The following APOBEC2 variants were observed in gnomAD, a reference collection of about 807,000 sequenced individuals.
APOBEC2 encodes the protein C->U-editing enzyme APOBEC-2.
APOBEC2 carries 14 observed loss-of-function variants against 19.4 expected under a neutral mutation model. The ratio of observed to expected loss-of-function variants is 0.72; its 90% CI spans 0.48 to 1.13. The LOEUF (loss-of-function observed/expected upper bound fraction) is 1.13. APOBEC2 is among the 50% of genes most tolerant of loss of function. APOBEC2 has a pLI of 0.00. For synonymous variants in APOBEC2, 127 were observed against 112.1 expected (o/e 1.13, Z -0.84); for missense variants, 304 against 277.0 (o/e 1.10, Z -0.69).
At chr6:41,059,187 G>C (rs1485315820) in intron 1 of APOBEC2, among the ~76,000 whole-genome samples, 1 of 152,180 alleles carries the variant, frequency 6.6e-6, no homozygotes, top group Non-Finnish European at 1.5e-5. Flanking sequence ...GCTATAGGGA[G>C]CTCCAGAAGG....
rs1012041589 is a variant in APOBEC2, at chr6:41,064,684, G to C, written c.*605G>C. 8.5e-5 allele frequency: 13 copies of C among 152,152 alleles called. No homozygotes were observed. Among genetic ancestry groups the C allele is most frequent in the African/African-American group, 3.1e-4 (13 of 41,424 alleles). The allele number at this position is 152,152 out of a possible 1,614,324, so 9.4% of individuals were successfully genotyped here. On this transcript the variant is annotated 3_prime_UTR_variant, in exon 3 of 3. Coordinates refer to ENST00000244669, the MANE Select transcript of APOBEC2 (RefSeq NM_006789.4). ...CATACAGACTTCTTACGACAATCAA[G>C]TGAGGGCCTTTCCCTTCTCTGAAGG...
In APOBEC2 at chr6:41,060,981, T is replaced by A. The variant is rs1762862732; in HGVS notation, c.132-347T>A. 4.6e-5 allele frequency among the ~76,000 whole-genome samples: 7 copies of A among 152,176 alleles called. No homozygotes were observed. In the South Asian group the frequency reaches 1.5e-3, roughly 32 times the overall value. ...GAGGCCCAGGCACTGACATTCTCAGTCTTCTAGGTGATTCTAAGGTATAGG... is the reference window on the plus strand; with the variant it reads ...GAGGCCCAGGCACTGACATTCTCAGACTTCTAGGTGATTCTAAGGTATAGG... On this transcript the variant is annotated intron_variant, in intron 1 of 2. Coordinates refer to ENST00000244669, the MANE Select transcript of APOBEC2 (RefSeq NM_006789.4).
intron 1 of APOBEC2, among the ~76,000 whole-genome samples, chr6:41,058,290 A>C (rs926014338): frequency 2.8e-5 from 4 of 145,010 alleles, no homozygotes; most frequent in East Asian, 2.1e-4. Context: ...ACACACCCAC[A>C]CACACACACA....
In APOBEC2 at chr6:41,053,316, T is replaced by C; in HGVS notation, c.-32T>C. 6.2e-7 allele frequency: 1 copy of C among 1,605,666 alleles called. No individual in the cohort carries two copies. The highest frequency in any genetic ancestry group is 8.5e-7 in the Non-Finnish European group (1 of 1,176,816). On this transcript the variant is annotated 5_prime_UTR_variant, in exon 1 of 3. Coordinates refer to ENST00000244669, the MANE Select transcript of APOBEC2 (RefSeq NM_006789.4). ...CCCAGACCTGCCTGCCTCTCTCCTC[T>C]CCCTCAGTGACTCCTGAGCCACAGC...
In APOBEC2 at chr6:41,064,296, G is replaced by T; in HGVS notation, c.*217G>T. Reference sequence around the variant, plus strand: ...TGACTCTCTCTCTAATGCTGCTCTCGGGAAGGACGAAAGTGACCTGCAAGG... The same window carrying T: ...TGACTCTCTCTCTAATGCTGCTCTCTGGAAGGACGAAAGTGACCTGCAAGG... On this transcript the variant is annotated 3_prime_UTR_variant, in exon 3 of 3. Transcript: ENST00000244669. 1 of 152,484 alleles carries T rather than the reference G, an allele frequency of 6.6e-6. No individual in the cohort carries two copies. The allele number at this position is 152,484 out of a possible 1,614,324, so 9.4% of individuals were successfully genotyped here.
At chr6:41,062,565 G>A (rs1009964469) in intron 2 of APOBEC2, among the ~76,000 whole-genome samples, 4 of 152,184 alleles carry the variant, frequency 2.6e-5, no homozygotes, top group East Asian at 1.9e-4. Flanking sequence ...GGAGGATGTC[G>A]AATGCAGGAA....
intron 1 of APOBEC2, among the ~76,000 whole-genome samples, chr6:41,056,845 A>C (rs542544144): frequency 1.3e-5 from 2 of 152,276 alleles, no homozygotes; most frequent in African/African-American, 4.8e-5. Context: ...GGGTTTCTTG[A>C]GGACAGCAGC....
At chr6:41,056,401 G>A (rs539051100) in intron 1 of APOBEC2, among the ~76,000 whole-genome samples, 10 of 152,348 alleles carry the variant, frequency 6.6e-5, no homozygotes, top group East Asian at 3.9e-4. Context: ...GACTATTGGC[G>A]TGGGCCACTG....
intron 1 of APOBEC2, among the ~76,000 whole-genome samples, chr6:41,060,053 G>A (rs1762852315): frequency 6.6e-6 from 1 of 152,014 alleles, no homozygotes; most frequent in African/African-American, 2.4e-5. Flanking sequence ...AACAAATCTT[G>A]CCTATTTTAG....
intron 1 of APOBEC2, among the ~76,000 whole-genome samples, chr6:41,061,081 A>C (rs1200512675): frequency 1.3e-5 from 2 of 150,578 alleles, no homozygotes. Flanking sequence ...ACAATGTCCT[A>C]GTAGGGTGAC....
intron 1 of APOBEC2, among the ~76,000 whole-genome samples, chr6:41,058,518 T>C (rs1762831213): frequency 2.6e-5 from 4 of 152,188 alleles, no homozygotes; most frequent in African/African-American, 7.2e-5. Context: ...CTTAGGCCTA[T>C]CATGCTACTT....
chr6:41,054,444 A>G (rs1762770456), intron 1 of APOBEC2, among the ~76,000 whole-genome samples: 1 of 152,160 alleles, frequency 6.6e-6, no homozygotes, highest in African/African-American at 2.4e-5. Context: ...TGATGCTTTC[A>G]AGGGGGAAAG....
intron 1 of APOBEC2, 125 bp downstream of exon 1, chr6:41,053,603 G>A (rs935580634): frequency 7.1e-7 from 1 of 1,411,902 alleles, no homozygotes; most frequent in Non-Finnish European, 9.5e-7. Context: ...CAGTGAGAGT[G>A]CACCAGTGGG....
chr6:41,058,277 A>ACCACACACCCACACAC (rs1418700019), intron 1 of APOBEC2, among the ~76,000 whole-genome samples: 8 of 121,900 alleles, frequency 6.6e-5, no homozygotes, highest in African/African-American at 2.5e-4. Context: ...CCACCACCCC[A>ACCACACACCCACACAC]CCACACACCC....
At chr6:41,057,999 A>T (rs1484309134) in intron 1 of APOBEC2, among the ~76,000 whole-genome samples, 1 of 152,200 alleles carries the variant, frequency 6.6e-6, no homozygotes, top group Non-Finnish European at 1.5e-5. Context: ...AAGTATGAGG[A>T]AATGGTGCTT....
intron 2 of APOBEC2, among the ~76,000 whole-genome samples, chr6:41,062,972 C>A (rs975188881): frequency 6.6e-6 from 1 of 152,162 alleles, no homozygotes; most frequent in Non-Finnish European, 1.5e-5. Context: ...AATCCTGCAA[C>A]AACTCACATA....
intron 1 of APOBEC2, among the ~76,000 whole-genome samples, chr6:41,057,835 T>A (rs1486105885): frequency 1.3e-5 from 2 of 152,206 alleles, no homozygotes; most frequent in African/African-American, 4.8e-5. Flanking sequence ...GAAAAATGTA[T>A]TACATTTACT....
chr6:41,058,970 GTATT>G (rs1452117364), intron 1 of APOBEC2, among the ~76,000 whole-genome samples: 3 of 152,152 alleles, frequency 2.0e-5, no homozygotes, highest in African/African-American at 7.2e-5. Flanking sequence ...TTGGAAACCC[GTATT>G]TATAGAGAGA....
chr6:41,059,603 T>C (rs1308320516), intron 1 of APOBEC2, among the ~76,000 whole-genome samples: 1 of 152,198 alleles, frequency 6.6e-6, no homozygotes, highest in East Asian at 1.9e-4. Flanking sequence ...GAGCTAAGTA[T>C]AGTACCTGAT....
Sources: gnomAD v4.1 joint callset for allele counts (sites outside exome capture counted in the v4.1 genomes callset) on GRCh38, gnomAD v4.1.1 for gene constraint, MANE v1.5 for transcripts, NCBI Gene and HGNC (gene_info 2026-07-23, HGNC 2026-07-21) for gene names.